UGT1A5: variants seen among roughly 807,000 people sequenced by gnomAD.
UGT1A5 encodes the protein UDP-glucuronosyltransferase 1A5.
Under a neutral mutation model 40.3 loss-of-function variants are expected in UGT1A5, and 29 were observed. The observed-to-expected ratio is 0.72, with a 90% confidence interval of 0.54 to 0.98. The LOEUF (loss-of-function observed/expected upper bound fraction) is 0.98, where lower values mean the gene tolerates loss of function less well. Ranked by LOEUF, UGT1A5 falls within the 50% of genes least tolerant of loss-of-function variation. The pLI is 0.00. For missense variants in UGT1A5, 678 were observed against 677.9 expected (o/e 1.00, Z 0.00); for synonymous variants, 257 against 262.5 (o/e 0.98, Z 0.20).
intron 1 of UGT1A5, chr2:233,755,362 C>T (rs1695882393): frequency 8.2e-6 from 3 of 365,832 alleles, no homozygotes; most frequent in Admixed American, 3.9e-5. Context: ...CGACCTGGGC[C>T]GCCTGGAGGG....
intron 1 of UGT1A5, chr2:233,721,911 G>T: frequency 2.3e-6 from 1 of 435,688 alleles, no homozygotes; most frequent in Non-Finnish European, 4.6e-6. Context: ...GGTGCACACT[G>T]CTTCCATAAA....
At chr2:233,736,545 G>A (rs1335002348) in intron 1 of UGT1A5, among the ~76,000 whole-genome samples, 1 of 152,160 alleles carries the variant, frequency 6.6e-6, no homozygotes, top group Non-Finnish European at 1.5e-5. Context: ...TTCCAGCTTT[G>A]CTCCATTGCT....
chr2:233,719,816 T>C (rs2076805774), intron 1 of UGT1A5: 21 of 1,580,710 alleles, frequency 1.3e-5, no homozygotes, highest in Non-Finnish European at 1.8e-5. Flanking sequence ...TTATAACAGA[T>C]AAACTGTTGA....
intron 1 of UGT1A5, among the ~76,000 whole-genome samples, chr2:233,763,098 A>G (rs1698235634): frequency 6.6e-6 from 1 of 152,204 alleles, no homozygotes; most frequent in South Asian, 2.1e-4. Context: ...TAGGAGAGGC[A>G]CCGAACTTTA....
At chr2:233,725,956 A>C (rs1405968247) in intron 1 of UGT1A5, among the ~76,000 whole-genome samples, 2 of 152,278 alleles carry the variant, frequency 1.3e-5, no homozygotes, top group East Asian at 3.9e-4. Flanking sequence ...GTTTGAGCCC[A>C]GGAGTCTGAG....
At chr2:233,764,280 C>T (rs917844974) in intron 1 of UGT1A5, among the ~76,000 whole-genome samples, 5 of 151,996 alleles carry the variant, frequency 3.3e-5, no homozygotes, top group African/African-American at 1.2e-4. Flanking sequence ...TTGGTCATTC[C>T]GGTAACTGTG....
At chr2:233,767,202 T>G in intron 2 of UGT1A5, 37 bp downstream of exon 2, 15 of 1,613,508 alleles carry the variant, frequency 9.3e-6, no homozygotes, top group Non-Finnish European at 1.3e-5. Flanking sequence ...ATATCTATTT[T>G]CACAGGAGCG....
intron 1 of UGT1A5, among the ~76,000 whole-genome samples, chr2:233,746,427 A>G (rs1283364507): frequency 1.3e-5 from 2 of 151,688 alleles, no homozygotes; most frequent in African/African-American, 4.9e-5. Flanking sequence ...CTATTAACTT[A>G]TGTCTTCAGC....
chr2:233,755,294 G>A, intron 1 of UGT1A5: 1 of 630,960 alleles, frequency 1.6e-6, no homozygotes. Flanking sequence ...GAGCCTGCGG[G>A]GCACTGGCAC....
intron 1 of UGT1A5, among the ~76,000 whole-genome samples, chr2:233,737,291 C>T (rs771202553): frequency 3.3e-5 from 5 of 152,210 alleles, no homozygotes; most frequent in South Asian, 2.1e-4. Context: ...GCCAGGCTGC[C>T]GCCTCACAGT....
chr2:233,754,995 C>G (rs769077985), intron 1 of UGT1A5: 1 of 1,295,418 alleles, frequency 7.7e-7, no homozygotes, highest in Non-Finnish European at 1.0e-6. Flanking sequence ...GTCACGGAAG[C>G]TGAAGACCTA....
rs2078696404 is a variant in UGT1A5 at position 233,735,803 on chromosome 2, A to G, written c.867+21945A>G. ...TGGCTGCATATGAATTTCTGGGTTG[A>G]AAATTCTTTTCTTTAAGAATGTTGA... On this transcript the variant is annotated intron_variant, in intron 1 of 4. Transcript: ENST00000373414. 2.0e-5 allele frequency among the ~76,000 whole-genome samples: 3 copies of G among 152,192 alleles called. No individual in the cohort carries two copies. The South Asian group carries it at 6.2e-4, about 31-fold the overall frequency.
chr2:233,720,342 T>A (rs2076852802), intron 1 of UGT1A5, among the ~76,000 whole-genome samples: 1 of 152,074 alleles, frequency 6.6e-6, no homozygotes, highest in African/African-American at 2.4e-5. Context: ...TTGGAAGGTA[T>A]GGTGATGGTT....
At chr2:233,713,969 C>G (rs2076358938) in intron 1 of UGT1A5, 111 bp downstream of exon 1, 1 of 1,602,230 alleles carries the variant, frequency 6.2e-7, no homozygotes. Flanking sequence ...GATTTCATTT[C>G]TGCTTCTCAT....
At chr2:233,743,853 C>G (rs759074098) in intron 1 of UGT1A5, 129 of 1,367,160 alleles carry the variant, frequency 9.4e-5, no homozygotes, top group Non-Finnish European at 1.2e-4. Context: ...TTGCGGTACG[C>G]CTTCTTGATG....
At chr2:233,747,940 T>C in intron 1 of UGT1A5, 1 of 1,613,178 alleles carries the variant, frequency 6.2e-7, no homozygotes, top group Non-Finnish European at 8.5e-7. Flanking sequence ...CAGAGGGAGG[T>C]GTCAGTGGTG....
Position 233,769,847 on chromosome 2 carries a change from G to C in UGT1A5, c.1307+1408G>C. On this transcript the variant is annotated intron_variant, in intron 4 of 4. Transcript: ENST00000373414. The surrounding 1 kb of genome is among the most constrained non-coding windows in gnomAD (Gnocchi z 4.4). Reference sequence around the variant, plus strand: ...TCCAGCAACCTGGGCAACAGAGTGAGACCCTGTCTCAAAAAAAAAAAAAAA... The same window carrying C: ...TCCAGCAACCTGGGCAACAGAGTGACACCCTGTCTCAAAAAAAAAAAAAAA... 1 of 475,506 alleles carries C rather than the reference G, an allele frequency of 2.1e-6. No homozygotes were observed. The highest frequency in any genetic ancestry group is 3.3e-6 in the Non-Finnish European group (1 of 298,626). The allele number at this position is 475,506 out of a possible 1,614,324, so 29.5% of individuals were successfully genotyped here.
intron 1 of UGT1A5, among the ~76,000 whole-genome samples, chr2:233,731,463 G>A (rs540385955): frequency 1.5e-4 from 23 of 152,134 alleles, no homozygotes; most frequent in Admixed American, 1.0e-3. Flanking sequence ...AGGCCCTGGC[G>A]TGTGATGTTC....
chr2:233,718,073 G>C, intron 1 of UGT1A5: 1 of 345,132 alleles, frequency 2.9e-6, no homozygotes, highest in South Asian at 2.3e-5. Flanking sequence ...GTCCTTGCTA[G>C]GGTTGTCTTG....
Sources: gnomAD v4.1 joint callset for allele counts (sites outside exome capture counted in the v4.1 genomes callset) on GRCh38, gnomAD v4.1.1 for gene constraint, Gnocchi (gnomAD v3.1) non-coding constraint, MANE v1.5 for transcripts, NCBI Gene and HGNC (gene_info 2026-07-23, HGNC 2026-07-21) for gene names.